Variants in NCKAP5 observed in about 807,000 individuals in gnomAD.
NCKAP5 encodes nck-associated protein 5.
In NCKAP5, 92 loss-of-function variants were observed where a neutral mutation model predicts 167.0. The observed-to-expected ratio is 0.55, with a 90% CI of 0.47 to 0.66. The LOEUF (loss-of-function observed/expected upper bound fraction) is 0.66, where lower values mean the gene tolerates loss of function less well. NCKAP5 is among the 30% of genes least tolerant of loss of function. The probability of loss-of-function intolerance (pLI) is 0.00; values close to 1 mark genes in which losing one functional copy is unlikely to be tolerated. For missense variants in NCKAP5, 2,378 were observed against 2,315.0 expected (o/e 1.03, Z -0.56); for synonymous variants, 891 against 877.4 (o/e 1.02, Z -0.27).
intron 8 of NCKAP5, among the ~76,000 whole-genome samples, chr2:132,949,807 G>A (rs1000727339): frequency 6.6e-6 from 1 of 152,112 alleles, no homozygotes; most frequent in African/African-American, 2.4e-5. Context: ...ATACATTAAC[G>A]TTTAGGCTGG....
chr2:132,718,556 T>C (rs940276261), intron 19 of NCKAP5, among the ~76,000 whole-genome samples: 3 of 152,188 alleles, frequency 2.0e-5, no homozygotes, highest in African/African-American at 7.2e-5. Flanking sequence ...GTTTCATCAT[T>C]GAAGAGTAAA....
chr2:133,347,281 C>T (rs532694726), intron 3 of NCKAP5, among the ~76,000 whole-genome samples: 68 of 152,180 alleles, frequency 4.5e-4, no homozygotes, highest in African/African-American at 1.5e-3. Context: ...CAGCCGGGCA[C>T]GGTGGCTCAC....
chr2:133,029,626 A>C (rs1038637151), intron 6 of NCKAP5, among the ~76,000 whole-genome samples: 5 of 152,236 alleles, frequency 3.3e-5, no homozygotes, highest in African/African-American at 1.2e-4. Flanking sequence ...ATATTTCCTG[A>C]AAATCTATTA....
At chr2:133,396,389 C>T (rs1302469754) in intron 3 of NCKAP5, among the ~76,000 whole-genome samples, 3 of 152,126 alleles carry the variant, frequency 2.0e-5, no homozygotes, top group African/African-American at 7.2e-5. Flanking sequence ...TTATCCTACA[C>T]TCACTAATTC....
intron 19 of NCKAP5, among the ~76,000 whole-genome samples, chr2:132,680,714 AG>A (rs1685107808): frequency 6.6e-6 from 1 of 152,180 alleles, no homozygotes; most frequent in African/African-American, 2.4e-5. Context: ...GAAAGATGGG[AG>A]GGGATGTCCC....
intron 5 of NCKAP5, among the ~76,000 whole-genome samples, chr2:133,133,740 T>C (rs2082689686): frequency 6.6e-6 from 1 of 152,238 alleles, no homozygotes; most frequent in Admixed American, 6.5e-5. Context: ...TTTTACAAAA[T>C]GTGTCCACCT....
At chr2:132,828,856 GC>G (rs1687318982) in intron 11 of NCKAP5, among the ~76,000 whole-genome samples, 1 of 152,124 alleles carries the variant, frequency 6.6e-6, no homozygotes, top group African/African-American at 2.4e-5. Context: ...CAGGAGTCCT[GC>G]CCTAGATGCC....
At chr2:133,506,238 T>C (rs1682994259) in intron 3 of NCKAP5, among the ~76,000 whole-genome samples, 3 of 152,224 alleles carry the variant, frequency 2.0e-5, no homozygotes, top group Admixed American at 2.0e-4. Flanking sequence ...GAAACCAAAT[T>C]GACAAGTCCA....
chr2:133,465,343 A>C, intron 3 of NCKAP5, among the ~76,000 whole-genome samples: 1 of 151,904 alleles, frequency 6.6e-6, no homozygotes, highest in Non-Finnish European at 1.5e-5. Context: ...TGAACTCATC[A>C]TTTTTTATGG....
At chr2:132,687,473 T>C (rs1389518490) in intron 19 of NCKAP5, among the ~76,000 whole-genome samples, 2 of 152,150 alleles carry the variant, frequency 1.3e-5, no homozygotes, top group Non-Finnish European at 2.9e-5. Flanking sequence ...CTTTGCTAGA[T>C]TTAGTGTGTG....
Position 133,130,033 on chromosome 2 carries a change from G to T in NCKAP5, c.286C>A (p.Leu96Ile). The change falls in exon 6 of 20, where the codon CTA (leucine) becomes ATA (isoleucine). Residue 96 changes from leucine to isoleucine, a missense_variant. Coordinates refer to ENST00000409261, the MANE Select transcript of NCKAP5 (RefSeq NM_207363.3). ...TGAATTCTGTTGCGTTCAGACTCTAGGGTCACCTCCTGCAACCGCTTCTCG... is the reference window on the plus strand; with the variant it reads ...TGAATTCTGTTGCGTTCAGACTCTATGGTCACCTCCTGCAACCGCTTCTCG... Reference protein sequence around the residue: ...QSEKRLQEVTLESERNRIQMR... With the variant: ...QSEKRLQEVTIESERNRIQMR... 6.2e-7 allele frequency: 1 copy of T among 1,611,452 alleles called. No homozygotes were observed. Among genetic ancestry groups the T allele is most frequent in the Non-Finnish European group, 8.5e-7 (1 of 1,178,998 alleles).
intron 3 of NCKAP5, among the ~76,000 whole-genome samples, chr2:133,450,097 A>C (rs1401821182): frequency 6.6e-6 from 1 of 152,122 alleles, no homozygotes; most frequent in Non-Finnish European, 1.5e-5. Context: ...AATACAGGCC[A>C]AGTTGAATTC....
chr2:133,346,772 G>A lies in NCKAP5; in HGVS notation c.70-43662C>T, dbSNP rs572795615. On this transcript the variant is annotated intron_variant, in intron 3 of 19. Transcript: ENST00000409261. ...ATCCATGGATGGCGATGCAACAGGAGGGCCACTTGCCAGTAGAGTGGGAAT... is the reference window on the plus strand; with the variant it reads ...ATCCATGGATGGCGATGCAACAGGAAGGCCACTTGCCAGTAGAGTGGGAAT... Among the ~76,000 whole-genome samples, 3 of 152,308 alleles carry A rather than the reference G, an allele frequency of 2.0e-5. No homozygotes were observed. In the South Asian group the frequency reaches 6.2e-4, roughly 32 times the overall value.
At chr2:133,419,224 TA>T (rs1199635416) in intron 3 of NCKAP5, among the ~76,000 whole-genome samples, 1 of 152,226 alleles carries the variant, frequency 6.6e-6, no homozygotes, top group East Asian at 1.9e-4. Context: ...CAAATTCCTT[TA>T]TTTTCCAAAT....
chr2:133,592,692 A>G, the NCKAP5 span, among the ~76,000 whole-genome samples: 916 of 152,338 alleles, frequency 6.0e-3, 29 homozygotes, highest in Admixed American at 0.053. Context: ...TATAAAAGGC[A>G]TCTTTGATTC....
chr2:133,614,618 G>A, the NCKAP5 span, among the ~76,000 whole-genome samples: 1 of 151,192 alleles, frequency 6.6e-6, no homozygotes, highest in African/African-American at 2.4e-5. Context: ...AAAAAGAAAC[G>A]AACAAAGCCT....
chr2:133,269,282 A>G (rs1213624242), intron 4 of NCKAP5, among the ~76,000 whole-genome samples: 1 of 152,248 alleles, frequency 6.6e-6, no homozygotes, highest in Non-Finnish European at 1.5e-5. Flanking sequence ...GGAGGAGAAG[A>G]CAAGTTAGAA....
At chr2:133,064,284 A>C (rs1404813136) in intron 6 of NCKAP5, among the ~76,000 whole-genome samples, 2 of 152,248 alleles carry the variant, frequency 1.3e-5, no homozygotes, top group African/African-American at 4.8e-5. Flanking sequence ...TCTCAGAAAC[A>C]ACACTGATTA....
intron 18 of NCKAP5, among the ~76,000 whole-genome samples, chr2:132,727,953 G>A (rs1690626286): frequency 6.6e-6 from 1 of 152,218 alleles, no homozygotes; most frequent in Non-Finnish European, 1.5e-5. Context: ...CATCATCATA[G>A]TTGGGCAGAA....
Sources: gnomAD v4.1 joint callset for allele counts (sites outside exome capture counted in the v4.1 genomes callset) on GRCh38, gnomAD v4.1.1 for gene constraint, MANE v1.5 for transcripts, NCBI Gene and HGNC (gene_info 2026-07-23, HGNC 2026-07-21) for gene names.